MAMLD1: variants seen among roughly 807,000 people sequenced by gnomAD.
MAMLD1 encodes the protein mastermind like domain containing 1.
MAMLD1 carries 14 observed loss-of-function variants against 45.0 expected under a neutral mutation model. That is an observed-to-expected ratio of 0.31 (90% CI 0.21 to 0.49). MAMLD1 has a LOEUF of 0.49. Ranked by LOEUF, MAMLD1 falls within the 20% of genes least tolerant of loss-of-function variation. MAMLD1 has a pLI of 0.99. For synonymous variants in MAMLD1, 254 were observed against 247.8 expected (o/e 1.02, Z -0.24); for missense variants, 543 against 603.6 (o/e 0.90, Z 1.05).
rs1156677739 is a variant in MAMLD1 at position 150,509,873 on chromosome X, G to A, written c.2285-89G>A. ...TATTCATGCTTTCTGCTGCACCAAA[G>A]CCAAGTCCTAGGTCCCCACGCAGCG... is the stretch of plus-strand genomic sequence containing the variant. On this transcript the variant is annotated intron_variant, in intron 6 of 7. Coordinates refer to ENST00000370401, the MANE Select transcript of MAMLD1 (RefSeq NM_005491.5). The A allele has an allele frequency of 2.1e-5, 14 of 679,894 alleles. No individual in the cohort carries two copies. In the East Asian group the frequency reaches 4.5e-4, roughly 22 times the overall value. The allele number at this position is 679,894 out of a possible 1,213,427, so 56.0% of individuals were successfully genotyped here.
intron 1 of MAMLD1, among the ~76,000 whole-genome samples, chrX:150,393,025 C>A (rs1158735917): frequency 9.0e-6 from 1 of 111,302 alleles, no homozygotes; most frequent in African/African-American, 3.3e-5. Context: ...TAAGTTTGAA[C>A]AAATATATGA....
intron 6 of MAMLD1, 155 bp from the exon 7 acceptor site, chrX:150,509,807 C>T (rs1293552963): frequency 8.2e-6 from 4 of 486,621 alleles, no homozygotes; most frequent in African/African-American, 2.4e-5. Flanking sequence ...GAATTTTGCT[C>T]GAGAGGGTGG....
chrX:150,507,062 GGCTTGCATAGAACTCAGT>G (rs2037751803), intron 6 of MAMLD1, among the ~76,000 whole-genome samples: 1 of 112,076 alleles, frequency 8.9e-6, no homozygotes, highest in South Asian at 3.7e-4. Flanking sequence ...AGCACACCTG[GGCTTGCATAGAACTCAGT>G]GCTGCTTGTC....
rs181062212 is a variant in MAMLD1 at position 150,513,654 on chromosome X, C to T, written c.*1695C>T. ...TTCCTAATGAGCTTTACAGCAGAAG[C>T]CGTTTTATCGTTAAGTGCCCCACAG... is the stretch of plus-strand genomic sequence containing the variant. On this transcript the variant is annotated 3_prime_UTR_variant, in exon 8 of 8. Coordinates refer to ENST00000370401, the MANE Select transcript of MAMLD1 (RefSeq NM_005491.5). The T allele has an allele frequency of 8.9e-4, 265 of 296,345 alleles. No individual in the cohort carries two copies. Among genetic ancestry groups the T allele is most frequent in the African/African-American group, 6.2e-3 (227 of 36,480 alleles). 24.4% of individuals were successfully genotyped at this position (296,345 alleles called of 1,213,427 possible).
At chrX:150,486,725 T>C (rs1257795421) in intron 5 of MAMLD1, among the ~76,000 whole-genome samples, 1 of 111,771 alleles carries the variant, frequency 8.9e-6, no homozygotes, top group Non-Finnish European at 1.9e-5. Flanking sequence ...GGTCAGTATA[T>C]AGCTCTTCAT....
intron 1 of MAMLD1, among the ~76,000 whole-genome samples, chrX:150,391,036 A>G (rs1557402162): frequency 8.9e-6 from 1 of 111,941 alleles, no homozygotes; most frequent in Non-Finnish European, 1.9e-5. Flanking sequence ...TGTCATTTGA[A>G]TTAGTGTTCC....
intron 5 of MAMLD1, among the ~76,000 whole-genome samples, chrX:150,494,078 G>T (rs1366689919): frequency 9.0e-6 from 1 of 111,548 alleles, no homozygotes; most frequent in Non-Finnish European, 1.9e-5. Flanking sequence ...AGTGTGCAAG[G>T]CCTATATGTA....
At chrX:150,460,907 C>G (rs1488716651) in intron 2 of MAMLD1, among the ~76,000 whole-genome samples, 1 of 112,171 alleles carries the variant, frequency 8.9e-6, no homozygotes, top group African/African-American at 3.2e-5. Flanking sequence ...CCCCACCTAT[C>G]CCATTCCTAA....
chrX:150,473,764 C>T lies in MAMLD1; in HGVS notation c.2002C>T (p.Gln668Ter). The part of the protein sequence containing the change: ...HQHGNSFTSR[Q>*]DPQPGDVSPS... ...ACACGGGAACTCTTTCACTAGCAGG[C>T]AAGATCCTCAGCCTGGAGACGTGTC... Residue 668 changes from glutamine (Q) to a stop codon, truncating the protein, a stop_gained, in exon 5 of 8, where the codon CAA (glutamine) becomes TAA (stop). Coordinates refer to ENST00000370401, the MANE Select transcript of MAMLD1 (RefSeq NM_005491.5). LOFTEE classifies it high-confidence loss of function. The T allele has an allele frequency of 8.3e-7, 1 of 1,209,628 alleles. No individual in the cohort carries two copies. The highest frequency in any genetic ancestry group is 1.1e-6 in the Non-Finnish European group (1 of 893,378).
At chrX:150,465,100 A>G in intron 3 of MAMLD1, among the ~76,000 whole-genome samples, 1 of 112,196 alleles carries the variant, frequency 8.9e-6, no homozygotes, top group Non-Finnish European at 1.9e-5. Flanking sequence ...TTCTTGCCCA[A>G]TAGGAACAGT....
intron 1 of MAMLD1, among the ~76,000 whole-genome samples, chrX:150,406,401 T>TCATTGTGAGGTAGAAATGAC (rs1330786003): frequency 9.0e-6 from 1 of 110,554 alleles, no homozygotes; most frequent in African/African-American, 3.3e-5. Flanking sequence ...CCCCATCACC[T>TCATTGTGAGGTAGAAATGAC]CAAAGAGCCT....
intron 5 of MAMLD1, among the ~76,000 whole-genome samples, chrX:150,502,802 T>C (rs782505260): frequency 1.1e-5 from 1 of 94,699 alleles, no homozygotes. Context: ...TTTAGAGTTG[T>C]GTGCTCCATT....
chrX:150,477,508 G>A (rs781894270), intron 5 of MAMLD1, among the ~76,000 whole-genome samples: 6 of 111,722 alleles, frequency 5.4e-5, no homozygotes, highest in Admixed American at 1.9e-4. Context: ...CCTTAGGGGC[G>A]TTAAGGAAGA....
In MAMLD1 at chrX:150,512,554, G is replaced by A; in HGVS notation, c.*595G>A. 1.7e-6 allele frequency: 2 copies of A among 1,155,888 alleles called. No homozygotes were observed. Among genetic ancestry groups the A allele is most frequent in the Non-Finnish European group, 1.1e-6 (1 of 872,796 alleles). On this transcript the variant is annotated 3_prime_UTR_variant, in exon 8 of 8. Transcript: ENST00000370401. Reference sequence around the variant, plus strand: ...GGCCATCTGATTGGGAGGCACAAGTGCCCGCTGCGATGGGAACACAAGTGC... The same window carrying A: ...GGCCATCTGATTGGGAGGCACAAGTACCCGCTGCGATGGGAACACAAGTGC...
At chrX:150,428,641 C>T (rs1007640778) in intron 1 of MAMLD1, among the ~76,000 whole-genome samples, 2 of 112,142 alleles carry the variant, frequency 1.8e-5, no homozygotes, top group Non-Finnish European at 3.8e-5. Context: ...ATTTCATAGG[C>T]TTGGATTCAT....
At chrX:150,365,926 C>G (rs2031404692) in intron 1 of MAMLD1, among the ~76,000 whole-genome samples, 1 of 112,663 alleles carries the variant, frequency 8.9e-6, no homozygotes, top group African/African-American at 3.2e-5. Flanking sequence ...AACTGCCCCC[C>G]TAAAACTTTC....
At chrX:150,486,897 G>C (rs1201168164) in intron 5 of MAMLD1, among the ~76,000 whole-genome samples, 2 of 112,327 alleles carry the variant, frequency 1.8e-5, no homozygotes, top group Non-Finnish European at 3.8e-5. Flanking sequence ...CAGTAGCAAG[G>C]CTTGACCAGG....
intron 1 of MAMLD1, among the ~76,000 whole-genome samples, chrX:150,440,938 A>G (rs138233813): frequency 0.011 from 1,160 of 104,603 alleles, 16 homozygotes; most frequent in African/African-American, 0.038. Context: ...TAATATTATT[A>G]TTTATTATTA....
chrX:150,443,451 A>G (rs2035386282), intron 1 of MAMLD1, among the ~76,000 whole-genome samples: 1 of 104,862 alleles, frequency 9.5e-6, no homozygotes, highest in Non-Finnish European at 2.0e-5. Flanking sequence ...GTACATGTGC[A>G]CAATGTGCAG....
Sources: allele counts gnomAD v4.1 joint callset (sites outside exome capture counted in the v4.1 genomes callset), GRCh38; gene constraint gnomAD v4.1.1; transcripts MANE v1.5; gene names NCBI Gene and HGNC (gene_info 2026-07-23, HGNC 2026-07-21).